LRRTM4: variants seen among roughly 807,000 people sequenced by gnomAD.
LRRTM4 encodes leucine-rich repeat transmembrane neuronal protein 4.
A neutral mutation model predicts 47.6 loss-of-function variants in LRRTM4; 25 were observed. The observed-to-expected ratio is 0.53, with a 90% CI of 0.38 to 0.73. LRRTM4 has a LOEUF of 0.73. LRRTM4 is among the 30% of genes least tolerant of loss of function. The probability of loss-of-function intolerance (pLI) is 0.00; values close to 1 mark genes in which losing one functional copy is unlikely to be tolerated. For missense variants in LRRTM4, 638 were observed against 713.4 expected (o/e 0.89, Z 1.20); for synonymous variants, 311 against 269.5 (o/e 1.15, Z -1.51).
At chr2:76,941,814 T>C (rs1319658612) in intron 3 of LRRTM4, among the ~76,000 whole-genome samples, 4 of 152,212 alleles carry the variant, frequency 2.6e-5, no homozygotes, top group South Asian at 2.1e-4. Flanking sequence ...TTATAATCCT[T>C]TGGGCATATA....
At chr2:77,020,872 G>A (rs1315877331) in intron 3 of LRRTM4, among the ~76,000 whole-genome samples, 1 of 152,120 alleles carries the variant, frequency 6.6e-6, no homozygotes, top group African/African-American at 2.4e-5. Context: ...CATGGATTGG[G>A]GAGTACTGAG....
intron 3 of LRRTM4, among the ~76,000 whole-genome samples, chr2:76,930,221 T>A (rs1009048408): frequency 6.6e-6 from 1 of 152,134 alleles, no homozygotes; most frequent in Non-Finnish European, 1.5e-5. Context: ...ACTCTATTAC[T>A]GTGATTTCTA....
intron 3 of LRRTM4, among the ~76,000 whole-genome samples, chr2:76,810,004 T>A (rs1670686339): frequency 6.6e-6 from 1 of 152,210 alleles, no homozygotes; most frequent in Non-Finnish European, 1.5e-5. Flanking sequence ...TCCATTCTGC[T>A]TTACATTTCT....
At chr2:77,117,654 C>A (rs965217160) in intron 3 of LRRTM4, among the ~76,000 whole-genome samples, 1 of 151,770 alleles carries the variant, frequency 6.6e-6, no homozygotes, top group African/African-American at 2.4e-5. Context: ...TAAATTCGTG[C>A]AACAAATAAA....
chr2:77,074,689 C>T (rs953157189), intron 3 of LRRTM4, among the ~76,000 whole-genome samples: 1 of 152,050 alleles, frequency 6.6e-6, no homozygotes, highest in African/African-American at 2.4e-5. Context: ...AGAAGGAGAA[C>T]TATTTAGAAA....
At chr2:76,885,484 A>G (rs1296618324) in intron 3 of LRRTM4, among the ~76,000 whole-genome samples, 1 of 136,750 alleles carries the variant, frequency 7.3e-6, no homozygotes, top group African/African-American at 2.9e-5. Flanking sequence ...TTTTTTTGAG[A>G]CGAAGTCTCG....
rs6715344 is a variant in LRRTM4, at chr2:76,878,966, C to A, written c.1552-130050G>T. Among the ~76,000 whole-genome samples the A allele has an allele frequency of 3.9e-3, 599 of 152,208 alleles. 1 individual carries two copies. The highest frequency in any genetic ancestry group is 0.014 in the African/African-American group (574 of 41,524). ...ATCAAACCAGTCAGAACAGTCCCAG[C>A]AAGTCCCTAAATCTCTTCAATTCTT... On this transcript the variant is annotated intron_variant, in intron 3 of 3. Transcript: ENST00000409884.
intron 3 of LRRTM4, among the ~76,000 whole-genome samples, chr2:76,874,158 G>A (rs1400614217): frequency 1.3e-5 from 2 of 151,428 alleles, no homozygotes; most frequent in Non-Finnish European, 2.9e-5. Context: ...CTTCTGGCTG[G>A]AGCATTCCTC....
intron 3 of LRRTM4, among the ~76,000 whole-genome samples, chr2:77,170,331 C>A (rs1241039322): frequency 6.6e-6 from 1 of 152,098 alleles, no homozygotes; most frequent in Non-Finnish European, 1.5e-5. Context: ...CCTCTAGAAG[C>A]TGGAAATAAA....
intron 3 of LRRTM4, among the ~76,000 whole-genome samples, chr2:76,808,449 A>AC (rs945165374): frequency 9.9e-5 from 15 of 151,684 alleles, no homozygotes; most frequent in African/African-American, 3.6e-4. Flanking sequence ...TTTTGGGAAA[A>AC]AAAAAAAGAA....
intron 3 of LRRTM4, among the ~76,000 whole-genome samples, chr2:77,056,748 A>G (rs1029069232): frequency 6.6e-6 from 1 of 152,154 alleles, no homozygotes; most frequent in Non-Finnish European, 1.5e-5. Flanking sequence ...AGAAAAAAGA[A>G]ATTCAAAGCA....
chr2:77,198,966 C>G (rs1298314557), intron 3 of LRRTM4, among the ~76,000 whole-genome samples: 1 of 152,134 alleles, frequency 6.6e-6, no homozygotes, highest in Non-Finnish European at 1.5e-5. Context: ...GCCTGTTACC[C>G]CTTGTGTCTT....
intron 3 of LRRTM4, among the ~76,000 whole-genome samples, chr2:77,183,075 T>A (rs1216727309): frequency 1.3e-5 from 2 of 152,026 alleles, no homozygotes; most frequent in Admixed American, 6.6e-5. Flanking sequence ...AAAGCCAAAA[T>A]TGACAAATGG....
At chr2:77,359,840 T>C (rs1672114140) in intron 3 of LRRTM4, among the ~76,000 whole-genome samples, 1 of 152,174 alleles carries the variant, frequency 6.6e-6, no homozygotes. Context: ...TGGTACACAG[T>C]ATTTGCTTTA....
chr2:77,118,081 A>G (rs1475274786), intron 3 of LRRTM4, among the ~76,000 whole-genome samples: 5 of 152,068 alleles, frequency 3.3e-5, no homozygotes, highest in African/African-American at 1.2e-4. Flanking sequence ...TGTTGTCTTC[A>G]GGAAATCTGC....
intron 3 of LRRTM4, among the ~76,000 whole-genome samples, chr2:77,164,079 G>C (rs1672810312): frequency 6.6e-6 from 1 of 152,246 alleles, no homozygotes; most frequent in African/African-American, 2.4e-5. Flanking sequence ...CACATGCAGA[G>C]ACACACATAG....
intron 3 of LRRTM4, among the ~76,000 whole-genome samples, chr2:76,977,157 C>T (rs901925726): frequency 6.0e-5 from 9 of 151,244 alleles, no homozygotes; most frequent in African/African-American, 2.2e-4. Flanking sequence ...ATTAATAAAT[C>T]CTAAATAAAA....
intron 3 of LRRTM4, among the ~76,000 whole-genome samples, chr2:77,286,246 T>C (rs1323260551): frequency 6.6e-6 from 1 of 152,054 alleles, no homozygotes; most frequent in Non-Finnish European, 1.5e-5. Flanking sequence ...GTTAAGAGTT[T>C]GTTCTTCATA....
At chr2:77,020,313 G>A (rs1292678707) in intron 3 of LRRTM4, among the ~76,000 whole-genome samples, 1 of 152,110 alleles carries the variant, frequency 6.6e-6, no homozygotes, top group Non-Finnish European at 1.5e-5. Context: ...ATTAAATCTA[G>A]TGTAGTTGTA....
Sources: gnomAD v4.1 joint callset for allele counts (sites outside exome capture counted in the v4.1 genomes callset) on GRCh38, gnomAD v4.1.1 for gene constraint, MANE v1.5 for transcripts, NCBI Gene and HGNC (gene_info 2026-07-23, HGNC 2026-07-21) for gene names.